TRRAP: variants seen among roughly 807,000 people sequenced by gnomAD.
TRRAP encodes the protein transformation/transcription domain associated protein.
TRRAP carries 41 observed loss-of-function variants against 438.8 expected under a neutral mutation model. The ratio of observed to expected loss-of-function variants is 0.09; its 90% CI spans 0.07 to 0.12. TRRAP has a LOEUF of 0.12. TRRAP is among the 10% of genes least tolerant of loss of function. The pLI is 1.00. For missense variants in TRRAP, 3,122 were observed against 5,055.1 expected (o/e 0.62, Z 11.60); for synonymous variants, 1,994 against 1,962.9 (o/e 1.02, Z -0.42).
intron 27 of TRRAP, 69 bp downstream of exon 27, chr7:98,933,471 C>T (rs1425145693): frequency 2.5e-5 from 38 of 1,533,580 alleles, no homozygotes; most frequent in South Asian, 6.2e-5. Context: ...TCTTTGTACG[C>T]GAAGACTGGT....
chr7:98,923,151 C>G (rs1554410908), intron 21 of TRRAP, among the ~76,000 whole-genome samples: 1 of 152,206 alleles, frequency 6.6e-6, no homozygotes, highest in Non-Finnish European at 1.5e-5. Context: ...ATGAATGCTA[C>G]TCTCCTAAGA....
chr7:98,915,681 CTCAT>C (rs1421668240), intron 18 of TRRAP, 38 bp from the exon 19 acceptor site: 2 of 1,599,474 alleles, frequency 1.3e-6, no homozygotes, highest in Non-Finnish European at 1.7e-6. Context: ...ATAGACCCTC[CTCAT>C]TTAGATGCCA....
intron 62 of TRRAP, among the ~76,000 whole-genome samples, chr7:98,986,607 T>C (rs1431892154): frequency 6.6e-6 from 1 of 152,248 alleles, no homozygotes; most frequent in Non-Finnish European, 1.5e-5. Context: ...TAAAAGTCTC[T>C]TGCAGATATA....
intron 14 of TRRAP, 57 bp downstream of exon 14, chr7:98,909,019 A>ATT (rs879955419): frequency 7.9e-3 from 8,526 of 1,077,644 alleles, no homozygotes; most frequent in Non-Finnish European, 9.0e-3. Flanking sequence ...TTGTGGCTAA[A>ATT]TTTTTTTTTT....
At chr7:98,966,991 G>A (rs1164165287) in intron 49 of TRRAP, 50 bp from the exon 50 acceptor site, 2 of 1,576,150 alleles carry the variant, frequency 1.3e-6, no homozygotes, top group Admixed American at 1.9e-5. Flanking sequence ...AAATACTAGA[G>A]CAGATGGTTG....
intron 40 of TRRAP, among the ~76,000 whole-genome samples, chr7:98,954,298 T>C (rs1457370539): frequency 5.9e-5 from 9 of 152,280 alleles, no homozygotes; most frequent in African/African-American, 1.9e-4. Flanking sequence ...TTTGGCAAGT[T>C]AATGTCTCCG....
At chr7:98,879,130 C>A (rs4727423) in intron 1 of TRRAP, among the ~76,000 whole-genome samples, 135,845 of 152,224 alleles carry the variant, frequency 0.89, 60,677 homozygotes, top group South Asian at 0.94. Flanking sequence ...CGCCTCAGGC[C>A]GGGCTTGGCG....
chr7:98,899,813 T>A, intron 10 of TRRAP, 46 bp downstream of exon 10: 1 of 1,588,524 alleles, frequency 6.3e-7, no homozygotes. Flanking sequence ...GGATTCCAAG[T>A]AAAAATACAC....
At chr7:98,937,604 T>G in intron 29 of TRRAP, 46 bp from the exon 30 acceptor site, 2 of 1,545,002 alleles carry the variant, frequency 1.3e-6, no homozygotes, top group Non-Finnish European at 8.7e-7. Context: ...TATTATGAAG[T>G]GTCCTCAGTT....
chr7:98,898,247 C>T (rs1796311325), intron 8 of TRRAP, among the ~76,000 whole-genome samples: 1 of 152,208 alleles, frequency 6.6e-6, no homozygotes, highest in Non-Finnish European at 1.5e-5. Flanking sequence ...AGCTCCAGTA[C>T]AATGTCCTGG....
At chr7:98,952,542 T>G (rs1351269579) in intron 39 of TRRAP, among the ~76,000 whole-genome samples, 2 of 152,232 alleles carry the variant, frequency 1.3e-5, no homozygotes, top group Non-Finnish European at 2.9e-5. Context: ...TTCTAATCCA[T>G]TTGTAAACCA....
chr7:98,879,119 C>T (rs528141347), intron 1 of TRRAP, among the ~76,000 whole-genome samples: 1 of 152,304 alleles, frequency 6.6e-6, no homozygotes, highest in Non-Finnish European at 1.5e-5. Context: ...CCCGGCGGCG[C>T]CGCCTCAGGC....
At chr7:98,968,840 C>T (rs1792276884) in intron 51 of TRRAP, among the ~76,000 whole-genome samples, 1 of 152,242 alleles carries the variant, frequency 6.6e-6, no homozygotes, top group Admixed American at 6.5e-5. Flanking sequence ...ATGGCCACAC[C>T]TGGGCAGAGT....
Position 98,893,787 on chromosome 7 carries a change from C to T in TRRAP, c.367-11C>T, listed in dbSNP as rs76508476. The T allele has an allele frequency of 4.4e-6, 7 of 1,607,280 alleles. No individual in the cohort carries two copies. The East Asian group carries it at 1.3e-4, about 31-fold the overall frequency. On this transcript the variant is annotated splice_polypyrimidine_tract_variant and intron_variant, in intron 5 of 72. Transcript: ENST00000456197. The stretch of plus-strand genomic sequence containing the variant: ...TCAGAAGTATAACTTTCATTAAATG[C>T]TTTTTTTTAGACGGAAAATGAAGAA...
At chr7:98,942,223 G>T (rs1246250989) in intron 30 of TRRAP, among the ~76,000 whole-genome samples, 1 of 152,190 alleles carries the variant, frequency 6.6e-6, no homozygotes, top group African/African-American at 2.4e-5. Context: ...CCCTCATTCT[G>T]CAGAGGGAAT....
At chr7:98,879,201 G>T (rs782127285) in intron 1 of TRRAP, among the ~76,000 whole-genome samples, 35 of 152,112 alleles carry the variant, frequency 2.3e-4, no homozygotes, top group Non-Finnish European at 3.8e-4. Flanking sequence ...GCGCCAGCCC[G>T]GCCTGGGCCT....
At chr7:98,991,904 T>C (rs564823175) in intron 64 of TRRAP, among the ~76,000 whole-genome samples, 5 of 152,334 alleles carry the variant, frequency 3.3e-5, no homozygotes, top group East Asian at 3.9e-4. Context: ...TGGGTGGAGT[T>C]GATGAAATGC....
rs552149345 is a variant in TRRAP, at chr7:98,961,642, G to A, written c.6703+168G>A. Among the ~76,000 whole-genome samples the A allele has an allele frequency of 3.2e-4, 48 of 152,320 alleles. 1 individual carries two copies. In the South Asian group the frequency reaches 8.9e-3, roughly 28 times the overall value. ...CTGACATGGAAACATAGAATGGGCC[G>A]GGTGTGGTGGCTCACGCCTGTAATC... On this transcript the variant is annotated intron_variant, in intron 46 of 72. Transcript: ENST00000456197.
At chr7:98,977,618 CTCCCGTCG>C (rs1792723723) in intron 56 of TRRAP, among the ~76,000 whole-genome samples, 1 of 152,200 alleles carries the variant, frequency 6.6e-6, no homozygotes, top group Non-Finnish European at 1.5e-5. Context: ...TGCTTTTTCC[CTCCCGTCG>C]TTGGTCCTGT....
Sources: allele counts gnomAD v4.1 joint callset (sites outside exome capture counted in the v4.1 genomes callset), GRCh38; gene constraint gnomAD v4.1.1; transcripts MANE v1.5; gene names NCBI Gene and HGNC (gene_info 2026-07-23, HGNC 2026-07-21).